Variants in LGSN observed in about 807,000 individuals in gnomAD.
LGSN encodes lengsin, lens protein with glutamine synthetase domain.
A neutral mutation model predicts 19.5 loss-of-function variants in LGSN; 21 were observed. The observed-to-expected ratio is 1.07, with a 90% CI of 0.76 to 1.55. The LOEUF (loss-of-function observed/expected upper bound fraction) is 1.55. Among genes scored for constraint, LGSN ranks in the 40% most tolerant of loss-of-function variants. The pLI, the probability that LGSN is intolerant of heterozygous loss-of-function variation, is 0.00. For missense variants in LGSN, 673 were observed against 608.5 expected (o/e 1.11, Z -1.12); for synonymous variants, 257 against 215.6 (o/e 1.19, Z -1.68).
the LGSN span, among the ~76,000 whole-genome samples, chr6:63,382,625 C>T: frequency 1.3e-5 from 2 of 152,130 alleles, no homozygotes; most frequent in Non-Finnish European, 2.9e-5. Flanking sequence ...GAAGGACAGT[C>T]CTAAGACACA....
chr6:63,412,490 G>GAAAGAAAGAAAGAAAGAAAC, the LGSN span, among the ~76,000 whole-genome samples: 873 of 75,820 alleles, frequency 0.012, 43 homozygotes, highest in African/African-American at 0.059. Flanking sequence ...AGAGAAGAAA[G>GAAAGAAAGAAAGAAAGAAAC]AAAGAAAGAA....
chr6:63,394,311 C>T, the LGSN span, among the ~76,000 whole-genome samples: 25 of 152,262 alleles, frequency 1.6e-4, no homozygotes, highest in East Asian at 4.6e-3. Context: ...AGTAAAGAAG[C>T]TGGTCAAAAC....
the LGSN span, among the ~76,000 whole-genome samples, chr6:63,442,257 C>T: frequency 5.9e-5 from 9 of 152,132 alleles, 1 homozygote; most frequent in Middle Eastern, 3.2e-3. Context: ...ATAAAGGCGG[C>T]GTAGACCCAA....
chr6:63,571,660 A>AT, the LGSN span: 2 of 152,246 alleles, frequency 1.3e-5, no homozygotes, highest in East Asian at 3.8e-4. Flanking sequence ...CTGAGACAAC[A>AT]TATCAAGTGA....
the LGSN span, among the ~76,000 whole-genome samples, chr6:63,443,210 C>A: frequency 6.6e-6 from 1 of 152,214 alleles, no homozygotes; most frequent in Non-Finnish European, 1.5e-5. Flanking sequence ...CATTGCCCAG[C>A]GCCAGTGGCG....
chr6:63,556,360 T>C, the LGSN span, among the ~76,000 whole-genome samples: 1 of 152,090 alleles, frequency 6.6e-6, no homozygotes, highest in African/African-American at 2.4e-5. Flanking sequence ...TTTTCTTTTT[T>C]TGTAGAGACG....
the LGSN span, among the ~76,000 whole-genome samples, chr6:63,400,133 G>C: frequency 1.3e-5 from 2 of 152,108 alleles, no homozygotes; most frequent in Non-Finnish European, 2.9e-5. Context: ...GGCATATAAA[G>C]GGTAATAAAT....
the LGSN span, among the ~76,000 whole-genome samples, chr6:63,365,383 C>T: frequency 6.6e-6 from 1 of 152,114 alleles, no homozygotes; most frequent in South Asian, 2.1e-4. Flanking sequence ...CAAGACTAAT[C>T]CAGGAAGAAG....
intron 1 of LGSN, among the ~76,000 whole-genome samples, chr6:63,301,167 T>C (rs551933711): frequency 5.9e-5 from 9 of 152,224 alleles, no homozygotes; most frequent in Admixed American, 5.2e-4. Context: ...GGCACACATC[T>C]GTAACCACAG....
chr6:63,437,938 T>A, the LGSN span, among the ~76,000 whole-genome samples: 2 of 152,054 alleles, frequency 1.3e-5, no homozygotes, highest in Admixed American at 1.3e-4. Context: ...AAAAAATATA[T>A]ATATATAGTA....
At chr6:63,499,536 A>G in the LGSN span, among the ~76,000 whole-genome samples, 2 of 152,108 alleles carry the variant, frequency 1.3e-5, no homozygotes, top group African/African-American at 2.4e-5. Context: ...TTTGGATAAT[A>G]GAGAAGAAAA....
chr6:63,412,443 CA>C, the LGSN span, among the ~76,000 whole-genome samples: 49 of 75,358 alleles, frequency 6.5e-4, no homozygotes, highest in African/African-American at 2.6e-3. Flanking sequence ...AGAAAGAAAG[CA>C]AGAAAGAAAG....
chr6:63,364,835 T>G, the LGSN span, among the ~76,000 whole-genome samples: 1 of 150,360 alleles, frequency 6.7e-6, no homozygotes, highest in African/African-American at 2.5e-5. Context: ...CCTGAATGAC[T>G]ACTGGGTACA....
the LGSN span, among the ~76,000 whole-genome samples, chr6:63,478,486 GA>G: frequency 0.54 from 81,248 of 150,074 alleles, 22,081 homozygotes; most frequent in Non-Finnish European, 0.57. Context: ...AGGACGTTCT[GA>G]AAAAAAAAAA....
upstream of LGSN, among the ~76,000 whole-genome samples, chr6:63,323,375 T>A (rs983060493): frequency 6.6e-6 from 1 of 152,080 alleles, no homozygotes; most frequent in Non-Finnish European, 1.5e-5. Flanking sequence ...GTTAAGTAAT[T>A]TCTCATCACT....
the LGSN span, among the ~76,000 whole-genome samples, chr6:63,557,608 T>C: frequency 3.9e-5 from 6 of 151,982 alleles, no homozygotes; most frequent in Admixed American, 6.6e-5. Context: ...TTAGGGGAAG[T>C]AGCAAGAGAA....
chr6:63,455,186 C>T, the LGSN span, among the ~76,000 whole-genome samples: 3 of 152,134 alleles, frequency 2.0e-5, no homozygotes, highest in Non-Finnish European at 4.4e-5. Context: ...AATAGCTCAG[C>T]GCATTCTGAG....
the LGSN span, among the ~76,000 whole-genome samples, chr6:63,347,624 G>A: frequency 1.4e-4 from 21 of 152,208 alleles, no homozygotes; most frequent in South Asian, 4.4e-3. Flanking sequence ...AAAGGCTAGA[G>A]AGGTCTCTAA....
the LGSN span, among the ~76,000 whole-genome samples, chr6:63,456,977 T>C: frequency 1.3e-5 from 2 of 152,166 alleles, no homozygotes; most frequent in African/African-American, 2.4e-5. Context: ...GTACTGCTTC[T>C]CCACCTTAAT....
Sources: gnomAD v4.1 joint callset for allele counts (sites outside exome capture counted in the v4.1 genomes callset) on GRCh38, gnomAD v4.1.1 for gene constraint, MANE v1.5 for transcripts, NCBI Gene and HGNC (gene_info 2026-07-23, HGNC 2026-07-21) for gene names.